The following SEMA5A variants were observed in gnomAD, a reference collection of about 807,000 sequenced individuals.
SEMA5A encodes the protein semaphorin-5A.
Under a neutral mutation model 135.5 loss-of-function variants are expected in SEMA5A, and 55 were observed. That is an observed-to-expected ratio of 0.41 (90% CI 0.33 to 0.51). SEMA5A has a LOEUF of 0.51. Among genes scored for constraint, SEMA5A ranks in the 20% least tolerant of loss-of-function variants. The probability of loss-of-function intolerance (pLI) is 0.37; values close to 1 mark genes in which losing one functional copy is unlikely to be tolerated. For missense variants in SEMA5A, 1,290 were observed against 1,419.9 expected (o/e 0.91, Z 1.47); for synonymous variants, 580 against 546.5 (o/e 1.06, Z -0.85).
At chr5:9,255,929 TA>T (rs1749046398) in intron 5 of SEMA5A, among the ~76,000 whole-genome samples, 2 of 151,862 alleles carry the variant, frequency 1.3e-5, no homozygotes, top group South Asian at 2.1e-4. Flanking sequence ...GTGTTGCCCA[TA>T]CACTACCCAC....
At chr5:9,052,504 G>C (rs931159830) in intron 19 of SEMA5A, among the ~76,000 whole-genome samples, 7 of 152,170 alleles carry the variant, frequency 4.6e-5, no homozygotes, top group African/African-American at 1.7e-4. Context: ...GTGTGCTCAT[G>C]AGAGTCCTGG....
Position 9,210,346 on chromosome 5 carries a change from G to A in SEMA5A, c.647-8106C>T, listed in dbSNP as rs866263284. ...AGCAATACAGTGTTTTCAGAGCACCGTAAGAACTGACTCATGTCACTTAAC... is the reference window on the plus strand; with the variant it reads ...AGCAATACAGTGTTTTCAGAGCACCATAAGAACTGACTCATGTCACTTAAC... On this transcript the variant is annotated intron_variant, in intron 8 of 22. Coordinates refer to ENST00000382496, the MANE Select transcript of SEMA5A (RefSeq NM_003966.3). Among the ~76,000 whole-genome samples, 5 of 152,154 alleles carry A rather than the reference G, an allele frequency of 3.3e-5. No homozygotes were observed. In the South Asian group the frequency reaches 8.3e-4, roughly 25 times the overall value.
chr5:9,058,580 C>T (rs1381625561), intron 18 of SEMA5A, among the ~76,000 whole-genome samples: 1 of 152,146 alleles, frequency 6.6e-6, no homozygotes, highest in Non-Finnish European at 1.5e-5. Context: ...AAGAGGATAA[C>T]ATTCTTGTTG....
intron 12 of SEMA5A, among the ~76,000 whole-genome samples, chr5:9,153,378 A>G (rs1377662981): frequency 5.3e-5 from 8 of 152,216 alleles, no homozygotes; most frequent in East Asian, 3.9e-4. Context: ...TGATGTATAC[A>G]GTACTTTTTC....
At chr5:9,190,141 T>G in intron 11 of SEMA5A, 126 bp downstream of exon 11, 1 of 930,242 alleles carries the variant, frequency 1.1e-6, no homozygotes, top group South Asian at 1.6e-5. Flanking sequence ...ATCGCGGGTT[T>G]TGCTGGTTGC....
chr5:9,521,824 C>T (rs902188993), intron 1 of SEMA5A, among the ~76,000 whole-genome samples: 2 of 152,176 alleles, frequency 1.3e-5, no homozygotes, highest in African/African-American at 4.8e-5. Context: ...CTTCACCCCA[C>T]AAATCATGCC....
At chr5:9,313,135 G>A (rs1350166648) in intron 5 of SEMA5A, among the ~76,000 whole-genome samples, 3 of 151,984 alleles carry the variant, frequency 2.0e-5, no homozygotes, top group East Asian at 3.9e-4. Context: ...CACTAAGTAG[G>A]AAAAAAGAAG....
At chr5:9,382,801 A>G (rs1460603508) in intron 2 of SEMA5A, among the ~76,000 whole-genome samples, 19 of 152,238 alleles carry the variant, frequency 1.2e-4, no homozygotes, top group Non-Finnish European at 1.0e-4. Flanking sequence ...TGGAGTTGAT[A>G]TAAGGAAGCC....
chr5:9,470,538 A>C (rs181962808), intron 1 of SEMA5A, among the ~76,000 whole-genome samples: 1 of 152,352 alleles, frequency 6.6e-6, no homozygotes, highest in Non-Finnish European at 1.5e-5. Context: ...CAGGAATTAC[A>C]GTATCCATGA....
At chr5:9,478,874 A>G (rs1759768577) in intron 1 of SEMA5A, among the ~76,000 whole-genome samples, 1 of 152,160 alleles carries the variant, frequency 6.6e-6, no homozygotes, top group African/African-American at 2.4e-5. Flanking sequence ...GAGATTTAGG[A>G]GGGGCCAGGG....
intron 2 of SEMA5A, among the ~76,000 whole-genome samples, chr5:9,424,525 C>T (rs1193208810): frequency 6.6e-6 from 1 of 152,216 alleles, no homozygotes; most frequent in Non-Finnish European, 1.5e-5. Flanking sequence ...ATACACAGCT[C>T]TATTCCCAAT....
intron 11 of SEMA5A, among the ~76,000 whole-genome samples, chr5:9,189,774 T>C (rs1409989532): frequency 6.6e-6 from 1 of 152,260 alleles, no homozygotes; most frequent in African/African-American, 2.4e-5. Flanking sequence ...TATCACTGCC[T>C]ACATTTGCTG....
Position 9,441,091 on chromosome 5 carries a change from C to T in SEMA5A, c.-174-3239G>A, listed in dbSNP as rs527554693. Reference sequence around the variant, plus strand: ...ACAGGCCTCTCATCATCAGTCCCTCCGTTAATCACCATGCACAGCACAGCC... The same window carrying T: ...ACAGGCCTCTCATCATCAGTCCCTCTGTTAATCACCATGCACAGCACAGCC... On this transcript the variant is annotated intron_variant, in intron 1 of 22. Transcript: ENST00000382496. 4.6e-5 allele frequency among the ~76,000 whole-genome samples: 7 copies of T among 152,324 alleles called. No homozygotes were observed. In the East Asian group the frequency reaches 9.7e-4, roughly 21 times the overall value.
intron 12 of SEMA5A, among the ~76,000 whole-genome samples, chr5:9,143,397 G>C (rs1742168941): frequency 6.6e-6 from 1 of 152,058 alleles, no homozygotes; most frequent in African/African-American, 2.4e-5. Flanking sequence ...AAACTACTCG[G>C]CTTAACATTA....
chr5:9,349,368 C>T (rs1754013115), intron 3 of SEMA5A, among the ~76,000 whole-genome samples: 2 of 152,196 alleles, frequency 1.3e-5, no homozygotes, highest in African/African-American at 4.8e-5. Flanking sequence ...GAAGAACCAA[C>T]TGTAGGTACT....
At position 9,037,016 on chromosome 5, in the gene SEMA5A, T is replaced by G. The variant is rs1199973181; in HGVS notation, c.*5881A>C. The G allele has an allele frequency of 2.6e-5, 4 of 152,212 alleles. No homozygotes were observed. Among genetic ancestry groups the G allele is most frequent in the Non-Finnish European group, 5.9e-5 (4 of 68,036 alleles). 9.4% of individuals were successfully genotyped at this position (152,212 alleles called of 1,614,324 possible). On this transcript the variant is annotated 3_prime_UTR_variant, in exon 23 of 23. Coordinates refer to ENST00000382496, the MANE Select transcript of SEMA5A (RefSeq NM_003966.3). The stretch of plus-strand genomic sequence containing the variant: ...TGCCATTCATCTAACATTTGGAATA[T>G]TTGGCATTAAATTGCCAAAAGGCTG...
At chr5:9,063,165 T>C (rs559747339) in intron 17 of SEMA5A, 60 bp from the exon 18 acceptor site, 76 of 1,474,238 alleles carry the variant, frequency 5.2e-5, no homozygotes, top group Non-Finnish European at 6.9e-5. Flanking sequence ...CTACAGTCCA[T>C]GCTGACTTTC....
At chr5:9,259,217 G>C (rs900759278) in intron 5 of SEMA5A, among the ~76,000 whole-genome samples, 2 of 152,202 alleles carry the variant, frequency 1.3e-5, no homozygotes, top group African/African-American at 4.8e-5. Flanking sequence ...AGAGAGAAAT[G>C]CAAACTGCTT....
At chr5:9,266,864 C>A (rs1361245005) in intron 5 of SEMA5A, among the ~76,000 whole-genome samples, 2 of 152,170 alleles carry the variant, frequency 1.3e-5, no homozygotes, top group Non-Finnish European at 2.9e-5. Context: ...GAAAGTTCAG[C>A]AAGCTCTGGA....
Sources: gnomAD v4.1 joint callset for allele counts (sites outside exome capture counted in the v4.1 genomes callset) on GRCh38, gnomAD v4.1.1 for gene constraint, MANE v1.5 for transcripts, NCBI Gene and HGNC (gene_info 2026-07-23, HGNC 2026-07-21) for gene names.